Variants in IRAK3 observed in about 807,000 individuals in gnomAD.
The protein encoded by IRAK3 is interleukin-1 receptor-associated kinase 3.
IRAK3 carries 57 observed loss-of-function variants against 56.6 expected under a neutral mutation model. The observed-to-expected ratio is 1.01, with a 90% confidence interval of 0.81 to 1.26. The LOEUF (loss-of-function observed/expected upper bound fraction) is 1.26, where lower values mean the gene tolerates loss of function less well. IRAK3 is among the 50% of genes most tolerant of loss of function. IRAK3 has a pLI of 0.00. For missense variants in IRAK3, 703 were observed against 719.0 expected (o/e 0.98, Z 0.25); for synonymous variants, 258 against 255.7 (o/e 1.01, Z -0.09).
intron 2 of IRAK3, among the ~76,000 whole-genome samples, chr12:66,209,066 A>G (rs889090358): frequency 1.4e-5 from 2 of 146,088 alleles, no homozygotes; most frequent in African/African-American, 2.5e-5. Flanking sequence ...GTGAGAGTCC[A>G]TCTCAAAAAA....
intron 6 of IRAK3, among the ~76,000 whole-genome samples, chr12:66,221,296 A>T (rs1453805470): frequency 6.6e-6 from 1 of 152,136 alleles, no homozygotes; most frequent in African/African-American, 2.4e-5. Flanking sequence ...TCATCATGTC[A>T]TCTGTAGACA....
chr12:66,225,756 A>G (rs1050758020), intron 6 of IRAK3, among the ~76,000 whole-genome samples: 2 of 152,110 alleles, frequency 1.3e-5, no homozygotes, highest in Non-Finnish European at 2.9e-5. Flanking sequence ...GAAAAAAAAA[A>G]GCCTGAGAAA....
At chr12:66,198,045 G>T (rs1049744714) in intron 1 of IRAK3, 1 of 985,100 alleles carries the variant, frequency 1.0e-6, no homozygotes, top group African/African-American at 1.7e-5. Flanking sequence ...TGTGGCAATT[G>T]TTGTGAGCTA....
chr12:66,217,754 T>C (rs755981045), intron 6 of IRAK3, among the ~76,000 whole-genome samples: 8 of 152,188 alleles, frequency 5.3e-5, no homozygotes, highest in Non-Finnish European at 7.4e-5. Context: ...GCCTTCCTCA[T>C]TGAAGGCCTC....
chr12:66,212,775 G>A (rs900456727), intron 5 of IRAK3, among the ~76,000 whole-genome samples: 1 of 152,074 alleles, frequency 6.6e-6, no homozygotes, highest in Non-Finnish European at 1.5e-5. Flanking sequence ...ACGAACACAG[G>A]AACAGGAAAC....
chr12:66,237,352 G>A (rs2052918904), intron 8 of IRAK3, among the ~76,000 whole-genome samples: 1 of 152,182 alleles, frequency 6.6e-6, no homozygotes, highest in Non-Finnish European at 1.5e-5. Flanking sequence ...CCATTTGGGT[G>A]CAGCTCTCAT....
intron 1 of IRAK3, among the ~76,000 whole-genome samples, chr12:66,201,063 C>T (rs1303132070): frequency 6.6e-6 from 1 of 152,182 alleles, no homozygotes; most frequent in African/African-American, 2.4e-5. Context: ...GTGATCCTCC[C>T]GCCTTGGCCT....
rs2052373760 is a variant in IRAK3, at chr12:66,189,279, C to T, written c.-21C>T. ...AGGGACCTGGACTCCGCCTCGTCCC[C>T]GGGGCTCGGGCAGCCGAGCCATGGC... On this transcript the variant is annotated 5_prime_UTR_variant, in exon 1 of 12. Transcript: ENST00000261233. The T allele has an allele frequency of 2.6e-6, 4 of 1,534,722 alleles. No individual in the cohort carries two copies. The highest frequency in any genetic ancestry group is 2.6e-6 in the Non-Finnish European group (3 of 1,146,720).
intron 2 of IRAK3, among the ~76,000 whole-genome samples, chr12:66,205,289 CTT>C (rs1491030272): frequency 6.6e-6 from 1 of 152,102 alleles, no homozygotes; most frequent in Non-Finnish European, 1.5e-5. Flanking sequence ...TTGGTTGACT[CTT>C]AGTCTGTTGC....
At chr12:66,214,795 C>A (rs1282229524) in intron 5 of IRAK3, among the ~76,000 whole-genome samples, 1 of 151,980 alleles carries the variant, frequency 6.6e-6, no homozygotes, top group African/African-American at 2.4e-5. Flanking sequence ...TAAAAGGTCC[C>A]AAGGTGGTTC....
chr12:66,212,931 T>C (rs941639566), intron 5 of IRAK3, among the ~76,000 whole-genome samples: 1 of 151,966 alleles, frequency 6.6e-6, no homozygotes, highest in Non-Finnish European at 1.5e-5. Flanking sequence ...ACCTAATGCA[T>C]GCGGGTCTTA....
chr12:66,223,658 CAA>C (rs76115473), intron 6 of IRAK3, among the ~76,000 whole-genome samples: 1 of 115,322 alleles, frequency 8.7e-6, no homozygotes. Flanking sequence ...GACTCCGTCT[CAA>C]AAAAAAAAAA....
rs1192536839 is a variant in IRAK3 at position 66,249,952 on chromosome 12, G to A, written c.*1781G>A. ...CTGGAATTGGGACGTGGACATCTTC[G>A]GGGGACCATTACTCTGTCTGTCATA... On this transcript the variant is annotated 3_prime_UTR_variant, in exon 12 of 12. Transcript: ENST00000261233. The A allele has an allele frequency of 6.6e-6, 1 of 152,074 alleles. No homozygotes were observed. Among genetic ancestry groups the A allele is most frequent in the Non-Finnish European group, 1.5e-5 (1 of 68,018 alleles). The allele number at this position is 152,074 out of a possible 1,614,324, so 9.4% of individuals were successfully genotyped here.
At chr12:66,200,538 G>A (rs542442516) in intron 1 of IRAK3, among the ~76,000 whole-genome samples, 4 of 152,248 alleles carry the variant, frequency 2.6e-5, no homozygotes, top group South Asian at 2.1e-4. Flanking sequence ...AATGTCTACC[G>A]GGTCAATTTT....
At chr12:66,202,722 T>C (rs1168094711) in intron 1 of IRAK3, among the ~76,000 whole-genome samples, 2 of 151,948 alleles carry the variant, frequency 1.3e-5, no homozygotes, top group African/African-American at 4.8e-5. Flanking sequence ...GGAGGATTGC[T>C]TGAGCCTGGG....
At chr12:66,189,493 C>T (rs2052378874) in intron 1 of IRAK3, 61 bp downstream of exon 1, 7 of 1,073,490 alleles carry the variant, frequency 6.5e-6, no homozygotes, top group African/African-American at 1.7e-5. Flanking sequence ...GGGGCCCGCT[C>T]GGCGTCGCCC....
chr12:66,247,005 C>T (rs1317346575), intron 11 of IRAK3, among the ~76,000 whole-genome samples: 1 of 152,112 alleles, frequency 6.6e-6, no homozygotes, highest in Non-Finnish European at 1.5e-5. Flanking sequence ...GGCCCTGGCT[C>T]ACGACTGTAA....
intron 8 of IRAK3, among the ~76,000 whole-genome samples, chr12:66,229,214 C>A (rs1301272917): frequency 2.0e-5 from 3 of 152,176 alleles, no homozygotes; most frequent in Non-Finnish European, 4.4e-5. Flanking sequence ...ACAAGCTGAG[C>A]AGCAACCCCA....
At chr12:66,245,391 A>G (rs2136953519) in intron 11 of IRAK3, 129 bp downstream of exon 11, 3 of 976,688 alleles carry the variant, frequency 3.1e-6, no homozygotes, top group South Asian at 2.8e-5. Context: ...GAGAATTCCA[A>G]CATAATAGTG....
Sources: allele counts gnomAD v4.1 joint callset (sites outside exome capture counted in the v4.1 genomes callset), GRCh38; gene constraint gnomAD v4.1.1; transcripts MANE v1.5; gene names NCBI Gene and HGNC (gene_info 2026-07-23, HGNC 2026-07-21).